The following CEP112 variants were observed in gnomAD, a reference collection of about 807,000 sequenced individuals.
The protein encoded by CEP112 is centrosomal protein 112, also known as centrosomal protein of 112 kDa.
Under a neutral mutation model 153.0 loss-of-function variants are expected in CEP112, and 127 were observed. The observed-to-expected ratio is 0.83, with a 90% CI of 0.72 to 0.96. The LOEUF (loss-of-function observed/expected upper bound fraction) is 0.96, where lower values mean the gene tolerates loss of function less well. Among genes scored for constraint, CEP112 ranks in the 40% least tolerant of loss-of-function variants. CEP112 has a pLI of 0.00. For missense variants in CEP112, 1,089 were observed against 1,101.2 expected, an observed-to-expected ratio of 0.99 and a Z score of 0.16; for synonymous variants, 358 against 374.4, an observed-to-expected ratio of 0.96 and a Z score of 0.51.
intron 21 of CEP112, among the ~76,000 whole-genome samples, chr17:65,801,422 C>T (rs1228925893): frequency 6.6e-6 from 1 of 152,168 alleles, no homozygotes; most frequent in East Asian, 1.9e-4. Flanking sequence ...TGATGAAGTC[C>T]AATTTACCTC....
At chr17:65,806,155 A>G (rs1218858106) in intron 21 of CEP112, among the ~76,000 whole-genome samples, 2 of 152,188 alleles carry the variant, frequency 1.3e-5, no homozygotes, top group Non-Finnish European at 2.9e-5. Context: ...CCATCTATCT[A>G]TTCAACACAC....
intron 21 of CEP112, among the ~76,000 whole-genome samples, chr17:65,813,873 G>A (rs959089721): frequency 1.5e-4 from 23 of 152,050 alleles, no homozygotes; most frequent in African/African-American, 5.3e-4. Flanking sequence ...AGAGAAGATC[G>A]TTCATTTTTT....
chr17:66,176,093 G>A (rs950273450), intron 3 of CEP112, among the ~76,000 whole-genome samples: 8 of 152,130 alleles, frequency 5.3e-5, no homozygotes, highest in African/African-American at 1.9e-4. Context: ...AATGTTCAGC[G>A]TGCCACTTGA....
At chr17:65,708,336 G>C (rs765307147) in intron 23 of CEP112, among the ~76,000 whole-genome samples, 1 of 151,938 alleles carries the variant, frequency 6.6e-6, no homozygotes, top group Non-Finnish European at 1.5e-5. Flanking sequence ...CCTATTTTAG[G>C]ACCTAATATC....
intron 20 of CEP112, among the ~76,000 whole-genome samples, chr17:65,859,204 G>C (rs2146370401): frequency 6.6e-6 from 1 of 152,186 alleles, no homozygotes; most frequent in East Asian, 1.9e-4. Flanking sequence ...AGCACTTTGA[G>C]AGGCCGAGGC....
intron 21 of CEP112, among the ~76,000 whole-genome samples, chr17:65,821,501 T>C (rs2056540985): frequency 7.7e-6 from 1 of 129,828 alleles, no homozygotes; most frequent in South Asian, 2.4e-4. Flanking sequence ...TATAATTATA[T>C]ATATATATAT....
At chr17:65,663,511 C>T (rs1306449428) in intron 24 of CEP112, among the ~76,000 whole-genome samples, 1 of 152,090 alleles carries the variant, frequency 6.6e-6, no homozygotes, top group Non-Finnish European at 1.5e-5. Context: ...GTAGGAGCTC[C>T]CTATATTTCT....
chr17:65,797,823 G>T (rs921582465), intron 21 of CEP112, among the ~76,000 whole-genome samples: 1 of 152,152 alleles, frequency 6.6e-6, no homozygotes, highest in Non-Finnish European at 1.5e-5. Flanking sequence ...CTATCCACTT[G>T]TGAAAATCTT....
At chr17:65,900,112 G>A (rs2143489709) in intron 20 of CEP112, among the ~76,000 whole-genome samples, 1 of 152,226 alleles carries the variant, frequency 6.6e-6, no homozygotes, top group Non-Finnish European at 1.5e-5. Context: ...TACAAATTAT[G>A]AGTATTTTGG....
intron 23 of CEP112, among the ~76,000 whole-genome samples, chr17:65,730,740 A>G (rs1472286090): frequency 6.6e-6 from 1 of 151,096 alleles, no homozygotes; most frequent in Admixed American, 6.6e-5. Flanking sequence ...GAATTGCCCA[A>G]TCTTATGAAA....
At chr17:65,706,704 C>G (rs141021804) in intron 23 of CEP112, among the ~76,000 whole-genome samples, 1 of 152,180 alleles carries the variant, frequency 6.6e-6, no homozygotes, top group African/African-American at 2.4e-5. Flanking sequence ...AAATCAGGAA[C>G]TGCGAGGACA....
At chr17:65,845,059 C>T (rs1337274856) in intron 21 of CEP112, among the ~76,000 whole-genome samples, 1 of 152,150 alleles carries the variant, frequency 6.6e-6, no homozygotes, top group African/African-American at 2.4e-5. Context: ...GTGGCTCACG[C>T]CTGTCCTCCC....
chr17:65,907,100 T>C (rs1042628057), intron 19 of CEP112, among the ~76,000 whole-genome samples: 1 of 152,140 alleles, frequency 6.6e-6, no homozygotes, highest in African/African-American at 2.4e-5. Flanking sequence ...TGAGCTATAA[T>C]TGGGGCAAAA....
Position 65,917,132 on chromosome 17 carries a change from G to A in CEP112, c.1980+10450C>T, listed in dbSNP as rs1413851024. 2.0e-5 allele frequency among the ~76,000 whole-genome samples: 3 copies of A among 152,278 alleles called. No homozygotes were observed. The East Asian group carries it at 5.8e-4, about 29-fold the overall frequency. ...GCAGGACCAATCTGTGACTTGTGGT[G>A]TAGCTGCATTCCCTGAATTTGGTGC... is the stretch of plus-strand genomic sequence containing the variant. On this transcript the variant is annotated intron_variant, in intron 19 of 26. Coordinates refer to ENST00000535342, the MANE Select transcript of CEP112 (RefSeq NM_001199165.4).
At chr17:66,099,902 C>T (rs540193678) in intron 6 of CEP112, among the ~76,000 whole-genome samples, 137 of 152,246 alleles carry the variant, frequency 9.0e-4, no homozygotes, top group South Asian at 3.5e-3. Flanking sequence ...TAAAATAGGA[C>T]GCTCTCCTAC....
At chr17:65,665,190 G>T (rs1710503671) in intron 24 of CEP112, among the ~76,000 whole-genome samples, 4 of 152,140 alleles carry the variant, frequency 2.6e-5, no homozygotes, top group Admixed American at 2.6e-4. Flanking sequence ...CCACACCAGA[G>T]ATTTTTTTCA....
chr17:66,090,823 TA>T (rs1352325646), intron 8 of CEP112, among the ~76,000 whole-genome samples: 1 of 151,922 alleles, frequency 6.6e-6, no homozygotes, highest in Non-Finnish European at 1.5e-5. Flanking sequence ...AGAACCTACA[TA>T]GACTGAAAGT....
At chr17:65,774,199 C>T in intron 21 of CEP112, among the ~76,000 whole-genome samples, 1 of 152,106 alleles carries the variant, frequency 6.6e-6, no homozygotes, top group East Asian at 1.9e-4. Context: ...CTGCTTCCCT[C>T]ACCCCCAGAC....
chr17:65,852,057 T>A, intron 20 of CEP112, 23 bp from the exon 21 acceptor site: 1 of 1,544,480 alleles, frequency 6.5e-7, no homozygotes, highest in Non-Finnish European at 8.8e-7. Context: ...AATGGAAAAA[T>A]GGGCAGAAGA....
Sources: allele counts gnomAD v4.1 joint callset (sites outside exome capture counted in the v4.1 genomes callset), GRCh38; gene constraint gnomAD v4.1.1; transcripts MANE v1.5; gene names NCBI Gene and HGNC (gene_info 2026-07-23, HGNC 2026-07-21).